The following ZFP30 variants were observed in gnomAD, a reference collection of about 807,000 sequenced individuals.
ZFP30 encodes zinc finger protein 30 homolog.
Under a neutral mutation model 12.3 loss-of-function variants are expected in ZFP30, and 16 were observed. The ratio of observed to expected loss-of-function variants is 1.30; its 90% CI spans 0.88 to 1.98. ZFP30 has a LOEUF of 1.98. ZFP30 is among the 30% of genes most tolerant of loss of function. The pLI is 0.00. For missense variants in ZFP30, 560 were observed against 611.2 expected (o/e 0.92, Z 0.88); for synonymous variants, 172 against 201.0 (o/e 0.86, Z 1.22).
chr19:37,653,232 A>G (rs1438561146), intron 2 of ZFP30, among the ~76,000 whole-genome samples: 3 of 152,164 alleles, frequency 2.0e-5, no homozygotes, highest in Admixed American at 1.3e-4. Context: ...CCAGTTCCTG[A>G]GTATTGTATC....
rs1357795681 is a variant in ZFP30, at chr19:37,634,950, A to G, written c.*31T>C. 1.3e-6 allele frequency: 2 copies of G among 1,506,856 alleles called. No homozygotes were observed. The highest frequency in any genetic ancestry group is 1.8e-6 in the Non-Finnish European group (2 of 1,132,078). The allele number at this position is 1,506,856 out of a possible 1,614,324, so 93.3% of individuals were successfully genotyped here. ...AGAATGTACTTCCTATGCTCAACATAAAATTCGCAAAGGAAGAGTTCTAAT... is the reference window on the plus strand; with the variant it reads ...AGAATGTACTTCCTATGCTCAACATGAAATTCGCAAAGGAAGAGTTCTAAT... On this transcript the variant is annotated 3_prime_UTR_variant, in exon 6 of 6. Transcript: ENST00000684514.
At chr19:37,648,602 C>A (rs1186470475) in intron 2 of ZFP30, among the ~76,000 whole-genome samples, 1 of 152,164 alleles carries the variant, frequency 6.6e-6, no homozygotes, top group African/African-American at 2.4e-5. Flanking sequence ...CTAGGTCTCA[C>A]TCCCAGAGTT....
chr19:37,641,261 A>G (rs1347116685), intron 5 of ZFP30, among the ~76,000 whole-genome samples: 2 of 152,206 alleles, frequency 1.3e-5, no homozygotes, highest in South Asian at 2.1e-4. Flanking sequence ...TCTCTTTGAA[A>G]TCATTCTCGT....
rs368193284 is a variant in ZFP30 at position 37,635,447 on chromosome 19, C to T, written c.1094G>A (p.Arg365His). The change falls in exon 6 of 6, where the codon CGT becomes CAT. Residue 365 changes from arginine to histidine, a missense_variant. Physicochemically the swap from Arg to His is conservative, Grantham distance 29. Coordinates refer to ENST00000684514, the MANE Select transcript of ZFP30 (RefSeq NM_001320669.3). Reference sequence around the variant, plus strand: ...CTGATGGAGAGTTAGATGATAGCCACGACTGAAAGTCTTCCCACATTCCTT... The same window carrying T: ...CTGATGGAGAGTTAGATGATAGCCATGACTGAAAGTCTTCCCACATTCCTT... ...DCKECGKTFS[R>H]GYHLTLHQRI... is the part of the protein sequence containing the mutation. The T allele has an allele frequency of 9.3e-6, 15 of 1,613,740 alleles. No homozygotes were observed. The highest frequency in any genetic ancestry group is 2.2e-5 in the East Asian group (1 of 44,842).
At chr19:37,649,698 C>A (rs2044610701) in intron 2 of ZFP30, among the ~76,000 whole-genome samples, 1 of 151,900 alleles carries the variant, frequency 6.6e-6, no homozygotes, top group African/African-American at 2.4e-5. Flanking sequence ...GTGGTGCACA[C>A]CTGTGGTCCC....
rs942225100 is a variant in ZFP30 at position 37,645,266 on chromosome 19, C to G, written c.10-530G>C. On this transcript the variant is annotated intron_variant, in intron 3 of 5. Transcript: ENST00000684514. ...GAAGGGTTTTGATGATACATGTTCA[C>G]TTCATACATCAAATGAATAGACTAG... Among the ~76,000 whole-genome samples, 4 of 151,972 alleles carry G rather than the reference C, an allele frequency of 2.6e-5. No homozygotes were observed. In the East Asian group the frequency reaches 7.7e-4, roughly 29 times the overall value.
chr19:37,645,194 C>A (rs2044517938), intron 3 of ZFP30, among the ~76,000 whole-genome samples: 1 of 146,800 alleles, frequency 6.8e-6, no homozygotes, highest in African/African-American at 2.5e-5. Flanking sequence ...GACAGAGCGA[C>A]AGAGCGAGAC....
chr19:37,644,868 A>G, intron 3 of ZFP30, 132 bp from the exon 4 acceptor site: 1 of 896,260 alleles, frequency 1.1e-6, no homozygotes, highest in Non-Finnish European at 1.6e-6. Context: ...GGACTGCTTG[A>G]GGCCAGGAGT....
intron 4 of ZFP30, 38 bp from the exon 5 acceptor site, chr19:37,643,401 T>C: frequency 1.4e-6 from 2 of 1,405,414 alleles, no homozygotes; most frequent in Admixed American, 4.5e-5. Flanking sequence ...AAGAATTTAT[T>C]TAAGGCTTCA....
intron 5 of ZFP30, among the ~76,000 whole-genome samples, chr19:37,640,574 G>A (rs1325261131): frequency 6.6e-6 from 1 of 151,248 alleles, no homozygotes; most frequent in Non-Finnish European, 1.5e-5. Context: ...TCCATTTACA[G>A]GGCATCAGCT....
At position 37,635,609 on chromosome 19, in the gene ZFP30, GTAC is replaced by G. The variant is rs1373029996; in HGVS notation, c.929_931del (p.Ser310del). On this transcript the variant is annotated inframe_deletion, in exon 6 of 6. Coordinates refer to ENST00000684514, the MANE Select transcript of ZFP30 (RefSeq NM_001320669.3). ...AAGTTTGTGATGTAGTCGAAGGCCT[GTAC>G]TACACAGAAAGGCCTGACCACATTC... is the stretch of plus-strand genomic sequence containing the variant. 1 of 1,614,144 alleles carries G rather than the reference GTAC, an allele frequency of 6.2e-7. No homozygotes were observed. Among genetic ancestry groups the G allele is most frequent in the South Asian group, 1.1e-5 (1 of 91,080 alleles).
rs757913769 is a variant in ZFP30 at position 37,635,364 on chromosome 19, G to A, written c.1177C>T (p.Arg393Cys). The change falls in exon 6 of 6, where the codon CGT becomes TGT. Residue 393 changes from arginine to cysteine, a missense_variant. Coordinates refer to ENST00000684514, the MANE Select transcript of ZFP30 (RefSeq NM_001320669.3). ...TGATGTGAAATAAGTTCTGAGTAACGACGAAAGAACTTCTGACATTCCTTA... is the reference window on the plus strand; with the variant it reads ...TGATGTGAAATAAGTTCTGAGTAACAACGAAAGAACTTCTGACATTCCTTA... ...ECKECQKFFR[R>C]YSELISHQGI... is the part of the protein sequence containing the mutation. 1.2e-5 allele frequency: 19 copies of A among 1,613,430 alleles called. No homozygotes were observed. The highest frequency in any genetic ancestry group is 6.8e-6 in the Non-Finnish European group (8 of 1,179,920).
chr19:37,644,643 T>A lies in ZFP30; in HGVS notation c.103A>T (p.Ile35Leu), dbSNP rs1381622406. ...SYQRNLYRDV[I>L]LENYSNLVSL... ...ACCAAGTTGCTATAGTTCTCTAATATCACATCTCTGTACAAATTCCTCTGA... is the reference window on the plus strand; with the variant it reads ...ACCAAGTTGCTATAGTTCTCTAATAACACATCTCTGTACAAATTCCTCTGA... Residue 35 changes from isoleucine (I) to leucine (L), a missense_variant, in exon 4 of 6, where the codon ATA becomes TTA. Physicochemically the swap from Ile to Leu is conservative, Grantham distance 5. Coordinates refer to ENST00000684514, the MANE Select transcript of ZFP30 (RefSeq NM_001320669.3). 2 of 1,611,726 alleles carry A rather than the reference T, an allele frequency of 1.2e-6. No homozygotes were observed. Among genetic ancestry groups the A allele is most frequent in the Non-Finnish European group, 1.7e-6 (2 of 1,179,086 alleles).
intron 2 of ZFP30, among the ~76,000 whole-genome samples, chr19:37,648,973 C>G (rs907142932): frequency 1.3e-5 from 2 of 152,158 alleles, no homozygotes; most frequent in Non-Finnish European, 2.9e-5. Flanking sequence ...TGCAGTGGCT[C>G]ATGCCTGTAG....
chr19:37,653,096 A>T (rs2044685422), intron 2 of ZFP30, among the ~76,000 whole-genome samples: 1 of 151,536 alleles, frequency 6.6e-6, no homozygotes, highest in Non-Finnish European at 1.5e-5. Flanking sequence ...CAACCCGGGC[A>T]ACAAAATCGA....
Position 37,644,638 on chromosome 19 carries a change from T to C in ZFP30, c.108A>G (p.Leu36=). The C allele has an allele frequency of 6.2e-7, 1 of 1,610,616 alleles. No individual in the cohort carries two copies. The highest frequency in any genetic ancestry group is 1.3e-5 in the African/African-American group (1 of 74,794). Residue 36 remains leucine, a synonymous_variant, in exon 4 of 6, where the codon TTA becomes TTG. Coordinates refer to ENST00000684514, the MANE Select transcript of ZFP30 (RefSeq NM_001320669.3). ...GTGACACCAAGTTGCTATAGTTCTC[T>C]AATATCACATCTCTGTACAAATTCC... is the stretch of plus-strand genomic sequence containing the variant. The part of the protein sequence containing the change: ...YQRNLYRDVI[L]ENYSNLVSLA...
upstream of ZFP30, chr19:37,655,523 G>C (rs1214185100): frequency 6.6e-6 from 1 of 152,522 alleles, no homozygotes; most frequent in African/African-American, 2.4e-5. Flanking sequence ...GCGGAGGCAA[G>C]TCCCGCAGCT....
chr19:37,635,041 T>TGTAA lies in ZFP30; in HGVS notation c.1499_1500insTTAC (p.Lys500AsnfsTer6). 6 of 1,596,672 alleles carry TGTAA rather than the reference T, an allele frequency of 3.8e-6. No individual in the cohort carries two copies. Among genetic ancestry groups the TGTAA allele is most frequent in the Non-Finnish European group, 5.1e-6 (6 of 1,173,796 alleles). ...GATGTGAATGTTGTCTAAATGCCTT[T>TGTAA]TTACATTCCTTACATTTGTATGGTT... On this transcript the variant is annotated frameshift_variant, in exon 6 of 6. Coordinates refer to ENST00000684514, the MANE Select transcript of ZFP30 (RefSeq NM_001320669.3). LOFTEE classifies it high-confidence loss of function.
chr19:37,653,857 CAG>C (rs2044700796), intron 2 of ZFP30, among the ~76,000 whole-genome samples: 1 of 152,182 alleles, frequency 6.6e-6, no homozygotes, highest in Admixed American at 6.5e-5. Flanking sequence ...AGCTCATAAA[CAG>C]AGTCCAAGGA....
Sources: gnomAD v4.1 joint callset for allele counts (sites outside exome capture counted in the v4.1 genomes callset) on GRCh38, gnomAD v4.1.1 for gene constraint, MANE v1.5 for transcripts, NCBI Gene and HGNC (gene_info 2026-07-23, HGNC 2026-07-21) for gene names.